SORBS2: variants seen among roughly 807,000 people sequenced by gnomAD.
SORBS2 encodes sorbin and SH3 domain-containing protein 2.
A neutral mutation model predicts 97.7 loss-of-function variants in SORBS2; 46 were observed. That is an observed-to-expected ratio of 0.47 (90% confidence interval 0.37 to 0.60). SORBS2 has a LOEUF of 0.60. Among genes scored for constraint, SORBS2 ranks in the 20% least tolerant of loss-of-function variants. The pLI, the probability that SORBS2 is intolerant of heterozygous loss-of-function variation, is 0.00. For missense variants in SORBS2, 1,316 were observed against 1,282.3 expected, an observed-to-expected ratio of 1.03 and a Z score of -0.40; for synonymous variants, 476 against 473.4, an observed-to-expected ratio of 1.01 and a Z score of -0.07.
intron 2 of SORBS2, among the ~76,000 whole-genome samples, chr4:185,682,733 A>T: frequency 6.6e-6 from 1 of 152,150 alleles, no homozygotes; most frequent in African/African-American, 2.4e-5. Flanking sequence ...AAAGGGGGCC[A>T]GGTGTAGTGG....
At chr4:185,605,791 G>A (rs2096404148) in intron 12 of SORBS2, among the ~76,000 whole-genome samples, 1 of 152,162 alleles carries the variant, frequency 6.6e-6, no homozygotes, top group Middle Eastern at 3.2e-3. Context: ...CACCATGTTG[G>A]CCAGGCTGAT....
intron 2 of SORBS2, among the ~76,000 whole-genome samples, chr4:185,725,972 T>G (rs1387507288): frequency 6.6e-6 from 1 of 152,228 alleles, no homozygotes; most frequent in African/African-American, 2.4e-5. Flanking sequence ...GTTGCTCCTT[T>G]TTTTGTACAT....
At chr4:185,665,071 A>C (rs1409788804) in intron 4 of SORBS2, among the ~76,000 whole-genome samples, 1 of 152,188 alleles carries the variant, frequency 6.6e-6, no homozygotes, top group Non-Finnish European at 1.5e-5. Context: ...TATTGCTATA[A>C]ATGAAAGACA....
At chr4:185,772,068 A>G (rs1476842476) in intron 2 of SORBS2, 2 of 152,200 alleles carry the variant, frequency 1.3e-5, no homozygotes, top group African/African-American at 4.8e-5. Context: ...TCTACAAAAG[A>G]AAGGAATGTT....
At chr4:185,612,062 A>T (rs2096547251) in intron 11 of SORBS2, 82 bp from the exon 24 acceptor site, 1 of 1,101,798 alleles carries the variant, frequency 9.1e-7, no homozygotes, top group Non-Finnish European at 1.3e-6. Flanking sequence ...TCTATGAAAA[A>T]ATAGGTTTCC....
intron 7 of SORBS2, among the ~76,000 whole-genome samples, 171 bp downstream of exon 19, chr4:185,622,743 A>T (rs1373786765): frequency 6.6e-6 from 1 of 152,232 alleles, no homozygotes; most frequent in East Asian, 1.9e-4. Flanking sequence ...CACATGGGCA[A>T]ATGAGAAATA....
intron 12 of SORBS2, among the ~76,000 whole-genome samples, chr4:185,599,109 C>G (rs753040014): frequency 1.4e-4 from 22 of 152,200 alleles, no homozygotes; most frequent in Non-Finnish European, 1.9e-4. Flanking sequence ...GCAAAAAGCA[C>G]AAAGTGGCAT....
chr4:185,718,555 C>G (rs1027756623), intron 2 of SORBS2, among the ~76,000 whole-genome samples: 1 of 152,168 alleles, frequency 6.6e-6, no homozygotes, highest in Non-Finnish European at 1.5e-5. Context: ...ATCACCACCT[C>G]ATTCTCCATG....
intron 2 of SORBS2, among the ~76,000 whole-genome samples, chr4:185,696,781 C>T (rs191604816): frequency 2.0e-5 from 3 of 152,272 alleles, no homozygotes; most frequent in Admixed American, 2.0e-4. Context: ...ATATTGTAAT[C>T]TTAGGGATCA....
intron 2 of SORBS2, among the ~76,000 whole-genome samples, chr4:185,718,845 C>T (rs566009527): frequency 1.3e-5 from 2 of 152,234 alleles, no homozygotes; most frequent in Admixed American, 1.3e-4. Context: ...TAATCTCCAC[C>T]TTTAAAAAAA....
chr4:185,751,190 A>AAAAAAAAAAAAAAAAAG lies in SORBS2; in HGVS notation c.-198+24036_-198+24037insCTTTTTTTTTTTTTTTT. ...TAAATACTAAAAAAAAAAAAAAAAAAAGAGAAAGAGAGAGAAATTCAGGAA... is the reference window on the plus strand; with the variant it reads ...TAAATACTAAAAAAAAAAAAAAAAAAAAAAAAAAAAAAAAAAGAGAGAAAGAGAGAGAAATTCAGGAA... On this transcript the variant is annotated intron_variant, in intron 2 of 20. Coordinates refer to the SORBS2 transcript ENST00000284776. Among the ~76,000 whole-genome samples the AAAAAAAAAAAAAAAAAG allele has an allele frequency of 6.2e-3, 536 of 85,772 alleles. 6 individuals are homozygous for AAAAAAAAAAAAAAAAAG. The highest frequency in any genetic ancestry group is 0.02 in the Middle Eastern group (3 of 148). 56.3% of individuals were successfully genotyped at this position (85,772 alleles called of 152,430 possible).
intron 1 of SORBS2, among the ~76,000 whole-genome samples, chr4:185,896,776 T>A (rs542371998): frequency 6.6e-6 from 1 of 152,154 alleles, no homozygotes; most frequent in Admixed American, 6.5e-5. Context: ...CAGAGAGTTC[T>A]TGGTGGAGGA....
chr4:185,838,012 C>T (rs1044099776), intron 1 of SORBS2, among the ~76,000 whole-genome samples: 1 of 152,218 alleles, frequency 6.6e-6, no homozygotes, highest in African/African-American at 2.4e-5. Flanking sequence ...GTCTGAAAGT[C>T]TGTGTCCCTA....
At chr4:185,900,105 G>A (rs558483267) in intron 1 of SORBS2, among the ~76,000 whole-genome samples, 1 of 152,272 alleles carries the variant, frequency 6.6e-6, no homozygotes, top group African/African-American at 2.4e-5. Context: ...TCCAGCTCAG[G>A]CAATATAGTA....
At chr4:185,683,464 C>G (rs931105493) in intron 2 of SORBS2, among the ~76,000 whole-genome samples, 1 of 152,150 alleles carries the variant, frequency 6.6e-6, no homozygotes, top group African/African-American at 2.4e-5. Context: ...CACGATGGCC[C>G]TGAACTCTTA....
At chr4:185,801,399 T>G (rs527997698) in intron 1 of SORBS2, among the ~76,000 whole-genome samples, 4 of 152,312 alleles carry the variant, frequency 2.6e-5, no homozygotes, top group African/African-American at 7.2e-5. Context: ...TCTGCACAAT[T>G]TTTTACAATG....
chr4:185,690,139 T>A (rs774739334), intron 2 of SORBS2, among the ~76,000 whole-genome samples: 11 of 152,240 alleles, frequency 7.2e-5, no homozygotes, highest in Non-Finnish European at 1.0e-4. Context: ...GCTGATTTTG[T>A]ATAAAACTTT....
intron 1 of SORBS2, among the ~76,000 whole-genome samples, chr4:185,945,279 G>A (rs112325504): frequency 0.026 from 3,898 of 152,258 alleles, 70 homozygotes; most frequent in Non-Finnish European, 0.035. Context: ...AACCCCATCA[G>A]CTCTCTCCTG....
intron 1 of SORBS2, among the ~76,000 whole-genome samples, chr4:185,849,667 C>CCA (rs2099216689): frequency 6.6e-6 from 1 of 152,168 alleles, no homozygotes; most frequent in South Asian, 2.1e-4. Flanking sequence ...GCCCAGCAGG[C>CCA]CACACTCTCA....
Sources: gnomAD v4.1 joint callset for allele counts (sites outside exome capture counted in the v4.1 genomes callset) on GRCh38, gnomAD v4.1.1 for gene constraint, MANE v1.5 for transcripts, NCBI Gene and HGNC (gene_info 2026-07-23, HGNC 2026-07-21) for gene names.